Variants in COLGALT1 observed in about 807,000 individuals in gnomAD.
COLGALT1 encodes the protein collagen beta(1-O)galactosyltransferase 1.
Under a neutral mutation model 60.8 loss-of-function variants are expected in COLGALT1, and 43 were observed. The observed-to-expected ratio is 0.71, with a 90% CI of 0.55 to 0.91. The LOEUF is 0.91. Among genes scored for constraint, COLGALT1 ranks in the 40% least tolerant of loss-of-function variants. The probability of loss-of-function intolerance (pLI) is 0.00; values close to 1 mark genes in which losing one functional copy is unlikely to be tolerated. For synonymous variants in COLGALT1, 369 were observed against 374.2 expected (o/e 0.99, Z 0.16); for missense variants, 845 against 880.0 (o/e 0.96, Z 0.50).
chr19:17,566,997 C>T (rs933674901), intron 3 of COLGALT1, among the ~76,000 whole-genome samples: 3 of 151,984 alleles, frequency 2.0e-5, no homozygotes, highest in Non-Finnish European at 2.9e-5. Context: ...CGGCTGTAGT[C>T]GCAGCTACTC....
In COLGALT1 at chr19:17,582,916, C is replaced by T. The variant is rs1246174759; in HGVS notation, c.*1472C>T. 1.3e-5 allele frequency: 2 copies of T among 152,426 alleles called. No homozygotes were observed. The highest frequency in any genetic ancestry group is 2.4e-5 in the African/African-American group (1 of 41,452). 9.4% of individuals were successfully genotyped at this position (152,426 alleles called of 1,614,324 possible). ...CTTGCCCTTGTGTCTCAGGTGTGGT[C>T]CCTGCCTGCTTGATGAAGTTGCTCT... On this transcript the variant is annotated 3_prime_UTR_variant, in exon 12 of 12. Transcript: ENST00000252599.
At chr19:17,561,557 G>A (rs964760261) in intron 3 of COLGALT1, among the ~76,000 whole-genome samples, 1 of 133,444 alleles carries the variant, frequency 7.5e-6, no homozygotes, top group Non-Finnish European at 1.5e-5. Context: ...GAACAGTTGA[G>A]TCTTTTTATT....
At chr19:17,572,385 C>G (rs2076317903) in intron 5 of COLGALT1, 98 bp from the exon 6 acceptor site, 1 of 1,575,478 alleles carries the variant, frequency 6.3e-7, no homozygotes. Context: ...CTCAAGCGAT[C>G]CTCCTGCGTT....
intron 2 of COLGALT1, among the ~76,000 whole-genome samples, 178 bp from the exon 3 acceptor site, chr19:17,560,170 G>A (rs1000784339): frequency 6.6e-6 from 1 of 152,038 alleles, no homozygotes; most frequent in Non-Finnish European, 1.5e-5. Context: ...CTGTACCTCC[G>A]GCCAGGAACA....
At chr19:17,560,170 G>C (rs1000784339) in intron 2 of COLGALT1, among the ~76,000 whole-genome samples, 178 bp from the exon 3 acceptor site, 4 of 152,038 alleles carry the variant, frequency 2.6e-5, no homozygotes, top group Admixed American at 2.6e-4. Context: ...CTGTACCTCC[G>C]GCCAGGAACA....
rs2076241729 is a variant in COLGALT1, at chr19:17,560,402, T to C, written c.426T>C (p.His142=). 6.2e-7 allele frequency: 1 copy of C among 1,614,130 alleles called. No homozygotes were observed. Among genetic ancestry groups the C allele is most frequent in the South Asian group, 1.1e-5 (1 of 91,088 alleles). The change falls in exon 3 of 12, where the codon CAT becomes CAC. Residue 142 remains histidine, a synonymous_variant. Coordinates refer to ENST00000252599, the MANE Select transcript of COLGALT1 (RefSeq NM_024656.4). ...PKHWSDSRYE[H]VMKLRQAALK... is the part of the protein sequence containing the mutation. Reference sequence around the variant, plus strand: ...ACTGGTCTGACTCACGCTACGAGCATGTCATGAAGTTGCGCCAGGCAGCCC... The same window carrying C: ...ACTGGTCTGACTCACGCTACGAGCACGTCATGAAGTTGCGCCAGGCAGCCC...
intron 6 of COLGALT1, 49 bp from the exon 7 acceptor site, chr19:17,577,146 G>A (rs2076348004): frequency 6.4e-7 from 1 of 1,574,148 alleles, no homozygotes; most frequent in Non-Finnish European, 8.7e-7. Flanking sequence ...GTTGGAGAGA[G>A]GCTGGAGGCT....
chr19:17,577,762 AGAG>A (rs999474489), intron 8 of COLGALT1, among the ~76,000 whole-genome samples, 192 bp from the exon 9 acceptor site: 9 of 151,988 alleles, frequency 5.9e-5, no homozygotes, highest in Admixed American at 3.3e-4. Flanking sequence ...AGACCCCAGG[AGAG>A]GAGGAGAGCA....
At chr19:17,561,112 G>A (rs1186732976) in intron 3 of COLGALT1, among the ~76,000 whole-genome samples, 1 of 151,354 alleles carries the variant, frequency 6.6e-6, no homozygotes, top group East Asian at 2.0e-4. Context: ...GGCTGAGGCA[G>A]GAGGATTTCT....
At chr19:17,579,238 T>TG (rs1160689466) in intron 9 of COLGALT1, among the ~76,000 whole-genome samples, 4 of 151,878 alleles carry the variant, frequency 2.6e-5, no homozygotes, top group African/African-American at 9.6e-5. Context: ...GGTGTGCGGC[T>TG]GCAAGGCGGG....
intron 8 of COLGALT1, 63 bp downstream of exon 8, chr19:17,577,530 T>C: frequency 7.4e-7 from 1 of 1,351,296 alleles, no homozygotes; most frequent in Non-Finnish European, 9.8e-7. Context: ...TAGACCTCGC[T>C]GGTAGACGGC....
intron 10 of COLGALT1, chr19:17,580,292 A>C: frequency 8.1e-6 from 2 of 247,676 alleles, no homozygotes; most frequent in East Asian, 1.1e-4. Flanking sequence ...TTTCCCTTCC[A>C]TGTGCAGTGC....
chr19:17,579,357 G>C (rs1253492336), intron 9 of COLGALT1, 125 bp from the exon 10 acceptor site: 2 of 1,279,516 alleles, frequency 1.6e-6, no homozygotes, highest in South Asian at 1.3e-5. Context: ...CCTGGAGCTA[G>C]GAGAGGCAGG....
At position 17,563,187 on chromosome 19, in the gene COLGALT1, CT is replaced by C. The variant is rs954111271; in HGVS notation, c.489+2743del. On this transcript the variant is annotated intron_variant, in intron 3 of 11. Transcript: ENST00000252599. ...GACACAAAATAATATTTTCGTGTTT[CT>C]TTTTTTTTTTTTTTTTTTTTGAGAC... is the stretch of plus-strand genomic sequence containing the variant. Among the ~76,000 whole-genome samples, 489 of 117,504 alleles carry C rather than the reference CT, an allele frequency of 4.2e-3. 1 individual carries two copies. Among genetic ancestry groups the C allele is most frequent in the African/African-American group, 9.5e-3 (282 of 29,690 alleles). 77.1% of individuals were successfully genotyped at this position (117,504 alleles called of 152,430 possible).
At chr19:17,577,798 A>G (rs901199627) in intron 8 of COLGALT1, among the ~76,000 whole-genome samples, 159 bp from the exon 9 acceptor site, 2 of 152,040 alleles carry the variant, frequency 1.3e-5, no homozygotes, top group Non-Finnish European at 1.5e-5. Context: ...AGTGTATACC[A>G]TGTGCAGGTG....
chr19:17,569,600 C>T (rs2076300074), intron 5 of COLGALT1, among the ~76,000 whole-genome samples: 1 of 151,938 alleles, frequency 6.6e-6, no homozygotes, highest in Non-Finnish European at 1.5e-5. Context: ...CCATGTCTGG[C>T]TCATTTTTAT....
In COLGALT1 at chr19:17,555,922, C is replaced by G. The variant is rs1396445903; in HGVS notation, c.209C>G (p.Thr70Arg). The G allele has an allele frequency of 7.2e-7, 1 of 1,398,532 alleles. No individual in the cohort carries two copies. Among genetic ancestry groups the G allele is most frequent in the Non-Finnish European group, 9.3e-7 (1 of 1,075,958 alleles). The allele number at this position is 1,398,532 out of a possible 1,614,324, so 86.6% of individuals were successfully genotyped here. Residue 70 changes from threonine (T) to arginine (R), a missense_variant, in exon 1 of 12, where the codon ACG (threonine) becomes AGG (arginine). Thr to Arg is a moderately conservative substitution (Grantham distance 71). Transcript: ENST00000252599. ...AACGCGGCCCACGCGTTGCCCACCA[C>G]GCTGGGCGCACTCGAGCGGCTGCGG... ...ARNAAHALPT[T>R]LGALERLRHP...
intron 8 of COLGALT1, among the ~76,000 whole-genome samples, chr19:17,577,718 A>G (rs564343764): frequency 2.0e-5 from 3 of 152,134 alleles, no homozygotes; most frequent in East Asian, 3.9e-4. Flanking sequence ...CTGCCAGTGT[A>G]GACTGGTGGG....
Position 17,579,598 on chromosome 19 carries a change from C to A in COLGALT1, c.1383C>A (p.Asp461Glu). 6.9e-7 allele frequency: 1 copy of A among 1,447,012 alleles called. No homozygotes were observed. Among genetic ancestry groups the A allele is most frequent in the Non-Finnish European group, 9.3e-7 (1 of 1,077,620 alleles). The allele number at this position is 1,447,012 out of a possible 1,614,324, so 89.6% of individuals were successfully genotyped here. A position where few individuals can be genotyped will look rare whatever the true frequency, so the allele number is the denominator to read the frequency against. Reference protein sequence around the residue: ...LMRDVEREGLDWDLIYVGRKR... With the variant: ...LMRDVEREGLEWDLIYVGRKR... ...GGGATGTGGAGCGGGAGGGCCTGGA[C>A]TGGGACCTCATGTGAGTGGGGGTCT... Residue 461 changes from aspartate (D) to glutamate (E), a missense_variant, in exon 10 of 12, where the codon GAC becomes GAA. By Grantham distance (45) the Asp-to-Glu change is conservative (BLOSUM62 2). Coordinates refer to ENST00000252599, the MANE Select transcript of COLGALT1 (RefSeq NM_024656.4).
Sources: allele counts gnomAD v4.1 joint callset (sites outside exome capture counted in the v4.1 genomes callset), GRCh38; gene constraint gnomAD v4.1.1; transcripts MANE v1.5; gene names NCBI Gene and HGNC (gene_info 2026-07-23, HGNC 2026-07-21).